Variants in ELMO2 observed in about 807,000 individuals in gnomAD.
The protein encoded by ELMO2 is engulfment and cell motility 2, also known as engulfment and cell motility protein 2.
A neutral mutation model predicts 96.2 loss-of-function variants in ELMO2; 37 were observed. That is an observed-to-expected ratio of 0.38 (90% confidence interval 0.30 to 0.51). The LOEUF (loss-of-function observed/expected upper bound fraction) is 0.51, where lower values mean the gene tolerates loss of function less well. ELMO2 is among the 20% of genes least tolerant of loss of function. The pLI, the probability that ELMO2 is intolerant of heterozygous loss-of-function variation, is 0.88. For missense variants in ELMO2, 561 were observed against 912.6 expected (o/e 0.61, Z 4.96); for synonymous variants, 315 against 329.4 (o/e 0.96, Z 0.47).
intron 20 of ELMO2, 124 bp from the exon 21 acceptor site, chr20:46,369,092 A>G: frequency 1.1e-6 from 1 of 898,830 alleles, no homozygotes; most frequent in Non-Finnish European, 1.8e-6. Flanking sequence ...GAATGTCATC[A>G]ATGCTCCTAG....
chr20:46,374,244 A>C, intron 15 of ELMO2, 88 bp downstream of exon 15: 1 of 1,087,084 alleles, frequency 9.2e-7, no homozygotes, highest in Non-Finnish European at 1.4e-6. Context: ...GCCCGACCCC[A>C]CTGACATGTA....
chr20:46,403,717 A>G (rs1489157385), intron 1 of ELMO2, among the ~76,000 whole-genome samples: 1 of 152,202 alleles, frequency 6.6e-6, no homozygotes, highest in Non-Finnish European at 1.5e-5. Context: ...GCTATGACAT[A>G]CACCGCCCAA....
Position 46,371,271 on chromosome 20 carries a change from C to T in ELMO2, c.1801+81G>A, listed in dbSNP as rs2059698066. ...GGTAACAGGTACAAGCCCAGATGATCAGCTACAAACAGCTGGACTAGAACT... is the reference window on the plus strand; with the variant it reads ...GGTAACAGGTACAAGCCCAGATGATTAGCTACAAACAGCTGGACTAGAACT... On this transcript the variant is annotated intron_variant, in intron 19 of 21. Coordinates refer to ENST00000290246, the MANE Select transcript of ELMO2 (RefSeq NM_133171.5). The surrounding 1 kb of genome is among the most constrained non-coding windows in gnomAD (Gnocchi z 5.9). 2 of 1,368,776 alleles carry T rather than the reference C, an allele frequency of 1.5e-6. No homozygotes were observed. The highest frequency in any genetic ancestry group is 1.8e-4 in the Middle Eastern group (1 of 5,466). 84.8% of individuals were successfully genotyped at this position (1,368,776 alleles called of 1,614,324 possible). A position where few individuals can be genotyped will look rare whatever the true frequency, so the allele number is the denominator to read the frequency against.
intron 20 of ELMO2, 36 bp downstream of exon 20, chr20:46,370,407 A>T: frequency 6.3e-7 from 1 of 1,591,618 alleles, no homozygotes; most frequent in Non-Finnish European, 8.6e-7. Flanking sequence ...TCCAAGTATC[A>T]CTGGGCCAGC....
rs1298321706 is a variant in ELMO2 at position 46,394,464 on chromosome 20, T to C, written c.19A>G (p.Ile7Val). The change falls in exon 3 of 22, where the codon ATT (isoleucine) becomes GTT (valine). Residue 7 changes from isoleucine (I) to valine (V), a missense_variant. Transcript: ENST00000290246. MPPPSDIVKVAIEWPGA... is the reference protein window; with the variant it reads MPPPSDVVKVAIEWPGA... Reference sequence around the variant, plus strand: ...GGCCACTCAATGGCCACTTTGACAATGTCTGACGGTGGTGGCATCGTTCCC... The same window carrying C: ...GGCCACTCAATGGCCACTTTGACAACGTCTGACGGTGGTGGCATCGTTCCC... 2 of 1,614,204 alleles carry C rather than the reference T, an allele frequency of 1.2e-6. No individual in the cohort carries two copies. The highest frequency in any genetic ancestry group is 1.1e-5 in the South Asian group (1 of 91,090).
chr20:46,374,598 CAGG>C lies in ELMO2; in HGVS notation c.1105_1107del (p.Pro369del). ...AGCATGTTGTCCAAGGCCAGCATTC[CAGG>C]AGGAGTCTGGGTAAAGTCCATGGCT... On this transcript the variant is annotated inframe_deletion, in exon 14 of 22. Transcript: ENST00000290246. The C allele has an allele frequency of 6.2e-7, 1 of 1,614,138 alleles. No individual in the cohort carries two copies. The highest frequency in any genetic ancestry group is 8.5e-7 in the Non-Finnish European group (1 of 1,180,018).
chr20:46,388,590 G>A (rs928755712), intron 7 of ELMO2, among the ~76,000 whole-genome samples: 6 of 142,150 alleles, frequency 4.2e-5, no homozygotes, highest in Non-Finnish European at 7.4e-5. Context: ...CACAAAGGAA[G>A]GCGTGTGTGT....
chr20:46,396,659 T>G (rs1410655043), intron 2 of ELMO2, among the ~76,000 whole-genome samples: 1 of 152,230 alleles, frequency 6.6e-6, no homozygotes, highest in African/African-American at 2.4e-5. Flanking sequence ...TAGTTTGGCT[T>G]CTTCTTATTT....
chr20:46,374,497 T>G (rs1345641142), intron 14 of ELMO2, 39 bp downstream of exon 14: 1 of 1,612,042 alleles, frequency 6.2e-7, no homozygotes, highest in Non-Finnish European at 8.5e-7. Flanking sequence ...GCAGGAGATG[T>G]GGCACCAGGA....
At chr20:46,397,673 A>G (rs527832900) in intron 2 of ELMO2, among the ~76,000 whole-genome samples, 1 of 152,312 alleles carries the variant, frequency 6.6e-6, no homozygotes, top group African/African-American at 2.4e-5. Flanking sequence ...TCCATCATAA[A>G]TAAATACACA....
chr20:46,367,734 C>T (rs181131131), intron 21 of ELMO2, among the ~76,000 whole-genome samples, 174 bp from the exon 22 acceptor site: 132 of 152,262 alleles, frequency 8.7e-4, no homozygotes, highest in Non-Finnish European at 1.2e-4. Context: ...TTCACTTTCT[C>T]AAGAGATCTG....
rs1193263302 is a variant in ELMO2, at chr20:46,372,108, T to C, written c.1417-139A>G. 3 of 934,936 alleles carry C rather than the reference T, an allele frequency of 3.2e-6. No individual in the cohort carries two copies. The East Asian group carries it at 7.7e-5, about 24-fold the overall frequency. 57.9% of individuals were successfully genotyped at this position (934,936 alleles called of 1,614,324 possible). A position where few individuals can be genotyped will look rare whatever the true frequency, so the allele number is the denominator to read the frequency against. Reference sequence around the variant, plus strand: ...ACAGACATCTGCTGGGTGAGTAAGGTATACCTTCTTAGATGGTTATTCAGG... The same window carrying C: ...ACAGACATCTGCTGGGTGAGTAAGGCATACCTTCTTAGATGGTTATTCAGG... On this transcript the variant is annotated intron_variant, in intron 16 of 21. Coordinates refer to ENST00000290246, the MANE Select transcript of ELMO2 (RefSeq NM_133171.5).
At chr20:46,378,917 C>G (rs1487371610) in intron 11 of ELMO2, among the ~76,000 whole-genome samples, 1 of 152,230 alleles carries the variant, frequency 6.6e-6, no homozygotes, top group East Asian at 1.9e-4. Flanking sequence ...AAGTCTTAAA[C>G]TTGACTTCTA....
Position 46,367,571 on chromosome 20 carries a change from C to T in ELMO2, c.1963-11G>A, listed in dbSNP as rs1317942009. 5.0e-6 allele frequency: 8 copies of T among 1,588,878 alleles called. No individual in the cohort carries two copies. Among genetic ancestry groups the T allele is most frequent in the Non-Finnish European group, 6.8e-6 (8 of 1,169,604 alleles). The stretch of plus-strand genomic sequence containing the variant: ...AATCCAGATGCAGTACTGTGGGGAG[C>T]AAGTTGCAAAATGTCACATCGTGAC... On this transcript the variant is annotated splice_polypyrimidine_tract_variant and intron_variant, in intron 21 of 21. Coordinates refer to ENST00000290246, the MANE Select transcript of ELMO2 (RefSeq NM_133171.5).
At chr20:46,391,419 T>C (rs1473770099) in intron 6 of ELMO2, among the ~76,000 whole-genome samples, 1 of 152,186 alleles carries the variant, frequency 6.6e-6, no homozygotes. Flanking sequence ...TTACACAAAG[T>C]ATTTAGCAAA....
chr20:46,390,051 G>T (rs1273583613), intron 6 of ELMO2, among the ~76,000 whole-genome samples: 1 of 152,030 alleles, frequency 6.6e-6, no homozygotes, highest in Non-Finnish European at 1.5e-5. Flanking sequence ...TACTCAGGAG[G>T]CTGAGGCAGG....
In ELMO2 at chr20:46,367,850, C is replaced by T. The variant is rs924095959; in HGVS notation, c.1963-290G>A. Among the ~76,000 whole-genome samples, 3 of 152,100 alleles carry T rather than the reference C, an allele frequency of 2.0e-5. No homozygotes were observed. In the East Asian group the frequency reaches 5.8e-4, roughly 29 times the overall value. On this transcript the variant is annotated intron_variant, in intron 21 of 21. Coordinates refer to ENST00000290246, the MANE Select transcript of ELMO2 (RefSeq NM_133171.5). Reference sequence around the variant, plus strand: ...AAATGAGATCTGAGTACTGGGGCATCATCTACCTGAAGTTACCCAAAATCA... The same window carrying T: ...AAATGAGATCTGAGTACTGGGGCATTATCTACCTGAAGTTACCCAAAATCA...
intron 1 of ELMO2, among the ~76,000 whole-genome samples, chr20:46,404,266 A>G (rs2060386351): frequency 6.6e-6 from 1 of 152,208 alleles, no homozygotes; most frequent in Non-Finnish European, 1.5e-5. Context: ...AACTGCATCA[A>G]ATATGCTTCT....
chr20:46,393,986 G>A (rs1213739122), intron 4 of ELMO2, 63 bp downstream of exon 4: 15 of 1,609,352 alleles, frequency 9.3e-6, no homozygotes, highest in Non-Finnish European at 1.3e-5. Flanking sequence ...CTCCCCTCAA[G>A]GTGTAGGAGT....
Sources: gnomAD v4.1 joint callset for allele counts (sites outside exome capture counted in the v4.1 genomes callset) on GRCh38, gnomAD v4.1.1 for gene constraint, Gnocchi (gnomAD v3.1) non-coding constraint, MANE v1.5 for transcripts, NCBI Gene and HGNC (gene_info 2026-07-23, HGNC 2026-07-21) for gene names.